Variants in COL23A1 observed in about 807,000 individuals in gnomAD.
The protein encoded by COL23A1 is collagen type XXIII alpha 1 chain.
A neutral mutation model predicts 99.3 loss-of-function variants in COL23A1; 97 were observed. That is an observed-to-expected ratio of 0.98 (90% CI 0.83 to 1.16). COL23A1 has a LOEUF of 1.16. Ranked by LOEUF, COL23A1 falls within the 50% of genes most tolerant of loss-of-function variation. COL23A1 has a pLI of 0.00. For synonymous variants in COL23A1, 320 were observed against 308.2 expected, an observed-to-expected ratio of 1.04 and a Z score of -0.40; for missense variants, 762 against 757.4, an observed-to-expected ratio of 1.01 and a Z score of -0.07.
chr5:178,377,579 T>G (rs908758779), intron 2 of COL23A1, among the ~76,000 whole-genome samples: 3 of 152,198 alleles, frequency 2.0e-5, no homozygotes, highest in Admixed American at 2.0e-4. Context: ...CAAGCCTAAC[T>G]TCCCTGGGTG....
chr5:178,360,164 G>A (rs1762099135), intron 2 of COL23A1, among the ~76,000 whole-genome samples: 1 of 152,032 alleles, frequency 6.6e-6, no homozygotes, highest in Non-Finnish European at 1.5e-5. Flanking sequence ...CCCAGAAGTG[G>A]CCCCAAATTC....
intron 2 of COL23A1, among the ~76,000 whole-genome samples, chr5:178,375,668 G>A (rs4293937): frequency 0.25 from 38,462 of 152,028 alleles, 5,364 homozygotes; most frequent in African/African-American, 0.39. Flanking sequence ...CTGGATCCCC[G>A]TCTCCACCAG....
chr5:178,539,545 C>CAAAAAAAAAAAA (rs58424731), intron 2 of COL23A1, among the ~76,000 whole-genome samples: 18 of 78,378 alleles, frequency 2.3e-4, no homozygotes, highest in Admixed American at 3.6e-4. Flanking sequence ...GACTCTGTCT[C>CAAAAAAAAAAAA]AAAAAAAAAA....
chr5:178,414,375 C>T (rs1042010846), intron 2 of COL23A1, among the ~76,000 whole-genome samples: 35 of 151,860 alleles, frequency 2.3e-4, no homozygotes, highest in African/African-American at 5.3e-4. Flanking sequence ...GGGAGAGTGC[C>T]GTGGCTCTGG....
chr5:178,491,743 T>C (rs1581494998), intron 2 of COL23A1, among the ~76,000 whole-genome samples: 1 of 152,214 alleles, frequency 6.6e-6, no homozygotes, highest in South Asian at 2.1e-4. Flanking sequence ...TTTAATTAAT[T>C]AATTATTTTG....
intron 2 of COL23A1, among the ~76,000 whole-genome samples, chr5:178,380,601 A>C (rs1400816138): frequency 6.6e-6 from 1 of 152,184 alleles, no homozygotes; most frequent in Admixed American, 6.5e-5. Context: ...CTACGTGGAA[A>C]TGTTTTTCAA....
At chr5:178,512,436 GGGT>G (rs1759258083) in intron 2 of COL23A1, among the ~76,000 whole-genome samples, 1 of 152,160 alleles carries the variant, frequency 6.6e-6, no homozygotes, top group Admixed American at 6.5e-5. Flanking sequence ...GATATATCCC[GGGT>G]GTCCACCCTG....
At chr5:178,419,930 C>T (rs1233236436) in intron 2 of COL23A1, among the ~76,000 whole-genome samples, 2 of 152,198 alleles carry the variant, frequency 1.3e-5, no homozygotes, top group East Asian at 1.9e-4. Flanking sequence ...TGTCACTTTA[C>T]CCTTTTTGTC....
chr5:178,551,923 C>T (rs1762022325), intron 2 of COL23A1, among the ~76,000 whole-genome samples: 1 of 152,194 alleles, frequency 6.6e-6, no homozygotes, highest in Non-Finnish European at 1.5e-5. Flanking sequence ...TCCCCTCCCA[C>T]TGCCACCTTC....
At chr5:178,586,915 C>T (rs937423271) in intron 1 of COL23A1, among the ~76,000 whole-genome samples, 4 of 152,154 alleles carry the variant, frequency 2.6e-5, no homozygotes, top group African/African-American at 2.4e-5. Context: ...AAGGAAAATG[C>T]GTAAACTTTA....
At chr5:178,343,324 G>GAGGTC (rs1434213964) in intron 2 of COL23A1, among the ~76,000 whole-genome samples, 1 of 152,190 alleles carries the variant, frequency 6.6e-6, no homozygotes, top group East Asian at 1.9e-4. Context: ...GAGATCCTGG[G>GAGGTC]ACACGAGGGA....
intron 2 of COL23A1, chr5:178,351,037 C>T (rs6601233): frequency 0.33 from 50,168 of 152,176 alleles, 9,170 homozygotes; most frequent in Middle Eastern, 0.48. Context: ...CTGAGAAGGC[C>T]AAAGCCCCGG....
chr5:178,583,253 C>A (rs186880840), intron 1 of COL23A1, among the ~76,000 whole-genome samples: 1 of 152,366 alleles, frequency 6.6e-6, no homozygotes, highest in East Asian at 1.9e-4. Flanking sequence ...GGCCTCCCCA[C>A]TGGATCAAAA....
intron 2 of COL23A1, among the ~76,000 whole-genome samples, chr5:178,537,403 G>C (rs1431082398): frequency 5.3e-5 from 8 of 152,246 alleles, no homozygotes; most frequent in African/African-American, 1.9e-4. Flanking sequence ...GGGAAACCGA[G>C]GCCGGGTGGG....
chr5:178,305,451 C>T (rs1046139469), intron 3 of COL23A1, among the ~76,000 whole-genome samples: 1 of 152,164 alleles, frequency 6.6e-6, no homozygotes. Context: ...AGCCTGGCTT[C>T]GTCACCATGG....
At chr5:178,374,888 TATTG>T (rs1281762024) in intron 2 of COL23A1, among the ~76,000 whole-genome samples, 1 of 152,114 alleles carries the variant, frequency 6.6e-6, no homozygotes, top group Non-Finnish European at 1.5e-5. Flanking sequence ...GGAGTCAAAT[TATTG>T]AATAACCCCA....
Position 178,310,148 on chromosome 5 carries a change from G to A in COL23A1, c.362-3229C>T, listed in dbSNP as rs1758595022. ...CCCGGACTGCGAGAAGACAGGCGGT[G>A]AGGCCCTGGGAGAGGGCGAGTGTGC... is the stretch of plus-strand genomic sequence containing the variant. On this transcript the variant is annotated intron_variant, in intron 2 of 28. Transcript: ENST00000390654. This position sits in a 1 kb window ranked among gnomAD's most constrained non-coding sequence, Gnocchi z 4.3. 6.6e-6 allele frequency among the ~76,000 whole-genome samples: 1 copy of A among 152,244 alleles called. No homozygotes were observed. The highest frequency in any genetic ancestry group is 6.5e-5 in the Admixed American group (1 of 15,292).
chr5:178,585,727 A>C (rs78750176), intron 1 of COL23A1, among the ~76,000 whole-genome samples: 3,201 of 10,630 alleles, frequency 0.3, 278 homozygotes, highest in African/African-American at 0.39. Context: ...CTGGGGTAAC[A>C]CTCCACAGCC....
At chr5:178,530,968 T>G (rs929210277) in intron 2 of COL23A1, among the ~76,000 whole-genome samples, 1 of 152,130 alleles carries the variant, frequency 6.6e-6, no homozygotes. Flanking sequence ...CCTGGGTTCA[T>G]GAGATTCTCC....
Sources: allele counts gnomAD v4.1 joint callset (sites outside exome capture counted in the v4.1 genomes callset), GRCh38; gene constraint gnomAD v4.1.1; non-coding constraint Gnocchi (gnomAD v3.1); transcripts MANE v1.5; gene names NCBI Gene and HGNC (gene_info 2026-07-23, HGNC 2026-07-21).